TMEM255A: variants seen among roughly 807,000 people sequenced by gnomAD.
TMEM255A encodes transmembrane protein 255A.
TMEM255A carries 14 observed loss-of-function variants against 23.5 expected under a neutral mutation model. That is an observed-to-expected ratio of 0.60 (90% confidence interval 0.39 to 0.93). TMEM255A has a LOEUF of 0.93. TMEM255A is among the 40% of genes least tolerant of loss of function. TMEM255A has a pLI of 0.00. For missense variants in TMEM255A, 233 were observed against 261.7 expected, an observed-to-expected ratio of 0.89 and a Z score of 0.76; for synonymous variants, 104 against 100.3, an observed-to-expected ratio of 1.04 and a Z score of -0.22.
the TMEM255A span, among the ~76,000 whole-genome samples, chrX:120,252,322 A>G: frequency 7.2e-5 from 8 of 110,662 alleles, no homozygotes; most frequent in Middle Eastern, 9.4e-3. Flanking sequence ...ATATATTAAA[A>G]TATATCCATA....
chrX:120,289,896 A>G (rs1556022576), intron 4 of TMEM255A, among the ~76,000 whole-genome samples: 1 of 111,333 alleles, frequency 9.0e-6, no homozygotes, highest in African/African-American at 3.3e-5. Context: ...AAAACATTAT[A>G]CTAACTGAAA....
intron 5 of TMEM255A, 59 bp from the exon 6 acceptor site, chrX:120,285,274 G>A: frequency 1.0e-6 from 1 of 1,003,898 alleles, no homozygotes; most frequent in East Asian, 3.0e-5. Context: ...AGGACCCTCT[G>A]GGATTGGAAA....
intron 7 of TMEM255A, among the ~76,000 whole-genome samples, chrX:120,275,624 G>A (rs1339966499): frequency 9.1e-6 from 1 of 109,291 alleles, no homozygotes; most frequent in Non-Finnish European, 1.9e-5. Context: ...ATAAACAGAT[G>A]TGGGATGTTC....
At chrX:120,296,751 TTA>T (rs1491539602) in intron 2 of TMEM255A, among the ~76,000 whole-genome samples, 4 of 28,268 alleles carry the variant, frequency 1.4e-4, no homozygotes, top group African/African-American at 1.0e-3. Context: ...TTATATTATA[TTA>T]TATATTATAT....
Position 120,304,361 on chromosome X carries a change from G to T in TMEM255A, c.189C>A (p.Tyr63Ter). 2 of 1,210,041 alleles carry T rather than the reference G, an allele frequency of 1.7e-6. No individual in the cohort carries two copies. The highest frequency in any genetic ancestry group is 2.2e-6 in the Non-Finnish European group (2 of 894,666). Residue 63 changes from tyrosine to a stop codon, truncating the protein, a stop_gained, in exon 2 of 9, where the codon TAC becomes TAA. Transcript: ENST00000371369. LOFTEE classifies it high-confidence loss of function. The stretch of plus-strand genomic sequence containing the variant: ...CTTCTATACTTACAATAACTCCGGG[G>T]TAATAACCTCCTACAGTCACATTCT... ...RTQNVTVGGY[Y>*]PGVILGFGSF...
At chrX:120,304,633 T>A (rs2058052806) in intron 1 of TMEM255A, 142 bp from the exon 2 acceptor site, 4 of 566,375 alleles carry the variant, frequency 7.1e-6, no homozygotes, top group Middle Eastern at 3.5e-4. Context: ...TGGGGGGTTG[T>A]GGGGAAGGGA....
At chrX:120,301,868 C>T (rs1270385017) in intron 2 of TMEM255A, among the ~76,000 whole-genome samples, 1 of 111,789 alleles carries the variant, frequency 8.9e-6, no homozygotes, top group African/African-American at 3.3e-5. Context: ...TCTGGATTCT[C>T]AGGCGTTTAC....
intron 8 of TMEM255A, among the ~76,000 whole-genome samples, chrX:120,262,837 G>T (rs1384131273): frequency 8.9e-6 from 1 of 112,336 alleles, no homozygotes; most frequent in African/African-American, 3.2e-5. Context: ...AGCCACAGAA[G>T]GGAGAGGCAA....
At chrX:120,256,167 TAGG>T (rs782519453), downstream of TMEM255A, 7 of 123,241 alleles carry the variant, frequency 5.7e-5, no homozygotes, top group Non-Finnish European at 1.1e-4. Flanking sequence ...TAATGGCAGA[TAGG>T]AGGAGATGAA....
In TMEM255A at chrX:120,304,391, C is replaced by T; in HGVS notation, c.159G>A (p.Arg53=). Residue 53 remains arginine (R), a synonymous_variant, in exon 2 of 9, where the codon AGG becomes AGA. Transcript: ENST00000371369. ...AACCTCCTACAGTCACATTCTGGGT[C>T]CTGGTGGTTGCAGCAAGGCCCACTG... The part of the protein sequence containing the change: ...ILTVGLAATT[R]TQNVTVGGYY... The T allele has an allele frequency of 1.7e-6, 2 of 1,211,097 alleles. No homozygotes were observed. The highest frequency in any genetic ancestry group is 1.7e-5 in the African/African-American group (1 of 57,722).
In TMEM255A at chrX:120,263,962, G is replaced by T. The variant is rs782257786; in HGVS notation, c.820-2934C>A. 1.3e-3 allele frequency among the ~76,000 whole-genome samples: 148 copies of T among 111,417 alleles called. 1 individual carries two copies. The highest frequency in any genetic ancestry group is 4.5e-3 in the African/African-American group (139 of 30,625). ...ATAATGAGTAACTTTTAGTGGCTAG[G>T]GTGAAACCTAGTGTACCCTCGTGAT... On this transcript the variant is annotated intron_variant, in intron 8 of 8. Transcript: ENST00000371369.
chrX:120,275,336 C>T (rs1015598766), intron 7 of TMEM255A, among the ~76,000 whole-genome samples: 2 of 111,957 alleles, frequency 1.8e-5, no homozygotes, highest in Non-Finnish European at 3.8e-5. Flanking sequence ...AAGGATTTCT[C>T]TTGACTTAGA....
At position 120,294,022 on chromosome X, in the gene TMEM255A, A is replaced by T. The variant is rs1369615528; in HGVS notation, c.231T>A (p.Ile77=). 4.2e-6 allele frequency: 5 copies of T among 1,193,910 alleles called. No individual in the cohort carries two copies. In the African/African-American group the frequency reaches 8.8e-5, roughly 21 times the overall value. ...TTTTGTTCTCAATAAGGTTTGATCC[A>T]ATGATTCCAAGGAACGATCCAAAGC... ...ILGFGSFLGI[I]GSNLIENKRQ... Residue 77 remains isoleucine (I), a synonymous_variant, in exon 3 of 9, where the codon ATT becomes ATA. Transcript: ENST00000371369.
At chrX:120,279,141 A>T (rs782342593) in intron 6 of TMEM255A, among the ~76,000 whole-genome samples, 6 of 111,881 alleles carry the variant, frequency 5.4e-5, no homozygotes, top group South Asian at 3.8e-4. Flanking sequence ...GGAATTTTTT[A>T]AAAAAATATT....
downstream of TMEM255A, chrX:120,258,633 AC>A (rs782070141): frequency 5.3e-5 from 6 of 112,327 alleles, no homozygotes; most frequent in South Asian, 2.2e-3. Flanking sequence ...TTTTATAGCT[AC>A]CTTGACACAA....
chrX:120,255,647 A>G, downstream of TMEM255A: 1 of 378,677 alleles, frequency 2.6e-6, no homozygotes, highest in Non-Finnish European at 4.7e-6. Flanking sequence ...CTGTTTATAT[A>G]GTTAGTTTTC....
intron 2 of TMEM255A, among the ~76,000 whole-genome samples, chrX:120,298,500 T>C (rs781787229): frequency 7.1e-5 from 8 of 112,139 alleles, no homozygotes; most frequent in African/African-American, 2.6e-4. Context: ...TATTATCATC[T>C]TTATCTCACT....
rs1477950126 is a variant in TMEM255A, at chrX:120,294,068, CA to C, written c.202-18del. The C allele has an allele frequency of 8.9e-7, 1 of 1,129,071 alleles. No homozygotes were observed. The highest frequency in any genetic ancestry group is 1.8e-5 in the African/African-American group (1 of 55,457). The allele number at this position is 1,129,071 out of a possible 1,213,427, so 93.0% of individuals were successfully genotyped here. A position where few individuals can be genotyped will look rare whatever the true frequency, so the allele number is the denominator to read the frequency against. ...AAAGCCGAGCTGCAAAGCAATATGG[CA>C]TACATAGTATGTGGGATGACAGTCA... On this transcript the variant is annotated intron_variant, in intron 2 of 8. Coordinates refer to ENST00000371369, the MANE Select transcript of TMEM255A (RefSeq NM_001104544.3).
chrX:120,282,058 T>G (rs1189422469), intron 6 of TMEM255A, among the ~76,000 whole-genome samples: 1 of 111,319 alleles, frequency 9.0e-6, no homozygotes, highest in Admixed American at 9.5e-5. Flanking sequence ...CCGGAGGAGC[T>G]GGCAATTGAT....
Sources: gnomAD v4.1 joint callset for allele counts (sites outside exome capture counted in the v4.1 genomes callset) on GRCh38, gnomAD v4.1.1 for gene constraint, MANE v1.5 for transcripts, NCBI Gene and HGNC (gene_info 2026-07-23, HGNC 2026-07-21) for gene names.